EPB41L5: variants seen among roughly 807,000 people sequenced by gnomAD.
EPB41L5 encodes the protein erythrocyte membrane protein band 4.1 like 5, also known as band 4.1-like protein 5.
A neutral mutation model predicts 106.6 loss-of-function variants in EPB41L5; 55 were observed. The observed-to-expected ratio is 0.52, with a 90% confidence interval of 0.42 to 0.65. EPB41L5 has a LOEUF of 0.65. Among genes scored for constraint, EPB41L5 ranks in the 30% least tolerant of loss-of-function variants. EPB41L5 has a pLI of 0.00. For synonymous variants in EPB41L5, 297 were observed against 306.7 expected (o/e 0.97, Z 0.33); for missense variants, 871 against 882.1 (o/e 0.99, Z 0.16).
intron 12 of EPB41L5, 70 bp from the exon 13 acceptor site, chr2:120,091,485 A>G (rs1244878704): frequency 9.9e-7 from 1 of 1,009,142 alleles, no homozygotes; most frequent in Non-Finnish European, 1.5e-6. Context: ...CTGAATGTGG[A>G]CTGTCTTATT....
intron 3 of EPB41L5, among the ~76,000 whole-genome samples, chr2:120,045,813 C>T (rs942483127): frequency 2.0e-5 from 3 of 151,646 alleles, no homozygotes; most frequent in Admixed American, 6.6e-5. Context: ...TATCCCTCCC[C>T]CGTCCCCCCC....
At chr2:120,153,070 C>G (rs982110318) in intron 20 of EPB41L5, among the ~76,000 whole-genome samples, 1 of 151,982 alleles carries the variant, frequency 6.6e-6, no homozygotes, top group Non-Finnish European at 1.5e-5. Context: ...CTTTGTTTTT[C>G]TAGTTCCTTA....
At chr2:120,125,468 G>C (rs981016818) in intron 16 of EPB41L5, among the ~76,000 whole-genome samples, 1 of 152,150 alleles carries the variant, frequency 6.6e-6, no homozygotes, top group African/African-American at 2.4e-5. Context: ...TTCATATGTT[G>C]AATTTTCCTA....
chr2:120,169,130 A>G (rs937415505), intron 24 of EPB41L5, among the ~76,000 whole-genome samples: 3 of 152,142 alleles, frequency 2.0e-5, no homozygotes, highest in African/African-American at 4.8e-5. Flanking sequence ...GCTTAAAGAC[A>G]TAAAAATTAC....
At chr2:120,165,392 T>G (rs1687348171) in intron 22 of EPB41L5, among the ~76,000 whole-genome samples, 1 of 152,172 alleles carries the variant, frequency 6.6e-6, no homozygotes, top group Non-Finnish European at 1.5e-5. Context: ...AATGGTGTAG[T>G]GTTTGCATAT....
At chr2:120,014,764 G>A (rs571905302) in intron 1 of EPB41L5, among the ~76,000 whole-genome samples, 1 of 152,186 alleles carries the variant, frequency 6.6e-6, no homozygotes, top group Admixed American at 6.5e-5. Context: ...AAGAGTACAA[G>A]AGCAGAGCAA....
At chr2:120,128,062 A>G (rs905074125) in intron 17 of EPB41L5, 2 of 379,390 alleles carry the variant, frequency 5.3e-6, no homozygotes, top group Admixed American at 4.4e-5. Flanking sequence ...TGTGTCATTT[A>G]TAAGACATTA....
intron 16 of EPB41L5, among the ~76,000 whole-genome samples, chr2:120,120,596 TA>T (rs995086554): frequency 6.6e-6 from 1 of 151,576 alleles, no homozygotes; most frequent in Non-Finnish European, 1.5e-5. Context: ...GTGCTTTTTT[TA>T]AAAAAAACCT....
At chr2:120,142,909 A>G in intron 18 of EPB41L5, 94 bp from the exon 19 acceptor site, 1 of 1,112,044 alleles carries the variant, frequency 9.0e-7, no homozygotes, top group Non-Finnish European at 1.3e-6. Context: ...TGATTTCCTG[A>G]TTGTCTGCAG....
chr2:120,030,391 A>G (rs1447327433), intron 2 of EPB41L5, among the ~76,000 whole-genome samples: 1 of 152,140 alleles, frequency 6.6e-6, no homozygotes, highest in Non-Finnish European at 1.5e-5. Context: ...CCTGCACTGG[A>G]TGGATCAGCT....
rs528101506 is a variant in EPB41L5 at position 120,025,017 on chromosome 2, A to G, written c.180+5753A>G. Among the ~76,000 whole-genome samples, 3 of 152,334 alleles carry G rather than the reference A, an allele frequency of 2.0e-5. No homozygotes were observed. In the South Asian group the frequency reaches 6.2e-4, roughly 32 times the overall value. On this transcript the variant is annotated intron_variant, in intron 2 of 24. Transcript: ENST00000263713. ...TTGGTATCAGGATGATGCTGGCCTCATAAAATGAGTTAGAGTCCTTTTCTG... is the reference window on the plus strand; with the variant it reads ...TTGGTATCAGGATGATGCTGGCCTCGTAAAATGAGTTAGAGTCCTTTTCTG...
intron 10 of EPB41L5, among the ~76,000 whole-genome samples, chr2:120,082,691 T>C (rs1350492070): frequency 6.6e-6 from 1 of 152,190 alleles, no homozygotes; most frequent in African/African-American, 2.4e-5. Flanking sequence ...TACCAGCTCC[T>C]CCTTGTACCT....
intron 18 of EPB41L5, among the ~76,000 whole-genome samples, chr2:120,142,123 A>ATTT (rs1686200335): frequency 2.0e-5 from 3 of 151,090 alleles, no homozygotes; most frequent in Admixed American, 6.6e-5. Context: ...TAAAAAAAAA[A>ATTT]AAAAAAAAAA....
intron 3 of EPB41L5, among the ~76,000 whole-genome samples, chr2:120,059,114 G>A (rs1351410516): frequency 6.6e-6 from 1 of 152,166 alleles, no homozygotes; most frequent in Admixed American, 6.5e-5. Context: ...CAGACATGTA[G>A]ATCAATGGAA....
chr2:120,022,267 G>A (rs1374373672), intron 2 of EPB41L5, among the ~76,000 whole-genome samples: 1 of 151,882 alleles, frequency 6.6e-6, no homozygotes, highest in Non-Finnish European at 1.5e-5. Flanking sequence ...ACGTGCCATC[G>A]TGGTTTGCTG....
Position 120,091,544 on chromosome 2 carries a change from G to A in EPB41L5, c.1044-11G>A. ...CTAAAATTTCCCTTACTTCTGTTAT[G>A]CCTCATTTAGTGGGAAAACAGAGTA... is the stretch of plus-strand genomic sequence containing the variant. On this transcript the variant is annotated splice_polypyrimidine_tract_variant and intron_variant, in intron 12 of 24. Transcript: ENST00000263713. 3 of 1,599,860 alleles carry A rather than the reference G, an allele frequency of 1.9e-6. No homozygotes were observed.
chr2:120,117,014 A>C (rs1244759133), intron 16 of EPB41L5, among the ~76,000 whole-genome samples: 4 of 152,188 alleles, frequency 2.6e-5, no homozygotes, highest in Admixed American at 2.6e-4. Flanking sequence ...AATATTTTTC[A>C]TTTGCCCTTA....
intron 2 of EPB41L5, among the ~76,000 whole-genome samples, chr2:120,037,836 C>T (rs546575241): frequency 7.5e-4 from 114 of 152,174 alleles, no homozygotes; most frequent in African/African-American, 2.7e-3. Flanking sequence ...AAACTGGATA[C>T]CCACATGGAA....
chr2:120,127,782 CA>C lies in EPB41L5; in HGVS notation c.1434del (p.Ala479HisfsTer2). The C allele has an allele frequency of 6.2e-7, 1 of 1,613,592 alleles. No homozygotes were observed. The highest frequency in any genetic ancestry group is 1.1e-5 in the South Asian group (1 of 91,020). On this transcript the variant is annotated frameshift_variant, in exon 17 of 25. Transcript: ENST00000263713. LOFTEE classifies it high-confidence loss of function. ...GGCATCTGACACTATGGAAACATCC[CA>C]AGCACTGAATGACGTTAATGTAGCC... ...IGASDTMETS[Q>X]ALNDVNVATR...
Sources: allele counts gnomAD v4.1 joint callset (sites outside exome capture counted in the v4.1 genomes callset), GRCh38; gene constraint gnomAD v4.1.1; transcripts MANE v1.5; gene names NCBI Gene and HGNC (gene_info 2026-07-23, HGNC 2026-07-21).